Variants in PTK2 observed in about 807,000 individuals in gnomAD.
PTK2 encodes the protein protein tyrosine kinase 2, also known as focal adhesion kinase 1.
PTK2 carries 45 observed loss-of-function variants against 150.1 expected under a neutral mutation model. The ratio of observed to expected loss-of-function variants is 0.30; its 90% CI spans 0.24 to 0.38. The LOEUF is 0.38. PTK2 is among the 10% of genes least tolerant of loss of function. PTK2 has a pLI of 1.00. For missense variants in PTK2, 919 were observed against 1,307.3 expected, an observed-to-expected ratio of 0.70 and a Z score of 4.58; for synonymous variants, 432 against 449.2, an observed-to-expected ratio of 0.96 and a Z score of 0.48.
chr8:140,690,045 C>T (rs1472448051), intron 26 of PTK2, among the ~76,000 whole-genome samples: 1 of 152,176 alleles, frequency 6.6e-6, no homozygotes, highest in Admixed American at 6.5e-5. Context: ...CTCTGCCTCC[C>T]GGGTTCATGC....
intron 1 of PTK2, among the ~76,000 whole-genome samples, chr8:140,973,216 G>GC (rs1217075896): frequency 6.6e-6 from 1 of 152,176 alleles, no homozygotes; most frequent in Non-Finnish European, 1.5e-5. Flanking sequence ...TTGGCCCTTT[G>GC]CCCAGATCCT....
rs1365981184 is a variant in PTK2 at position 140,812,083 on chromosome 8, A to G, written c.867+6194T>C. Among the ~76,000 whole-genome samples, 3 of 152,208 alleles carry G rather than the reference A, an allele frequency of 2.0e-5. No homozygotes were observed. The East Asian group carries it at 5.8e-4, about 29-fold the overall frequency. ...GCAGAGTAAGATACTACACGAGAAG[A>G]TCATTCCCAAGACACATCATCATGA... is the stretch of plus-strand genomic sequence containing the variant. On this transcript the variant is annotated intron_variant, in intron 10 of 31. Coordinates refer to ENST00000522684, the Ensembl canonical transcript of PTK2.
intron 14 of PTK2, among the ~76,000 whole-genome samples, chr8:140,768,697 A>T (rs2100073827): frequency 1.3e-5 from 2 of 152,220 alleles, no homozygotes; most frequent in African/African-American, 4.8e-5. Flanking sequence ...AAGTCAGTAA[A>T]GTGTCACATG....
chr8:140,676,149 G>A (rs539706895), intron 27 of PTK2, among the ~76,000 whole-genome samples: 3 of 152,270 alleles, frequency 2.0e-5, no homozygotes, highest in Admixed American at 2.0e-4. Flanking sequence ...GGTCAAAATG[G>A]GCGATAACCT....
chr8:140,991,223 C>T (rs1441328497), intron 1 of PTK2, among the ~76,000 whole-genome samples: 1 of 152,142 alleles, frequency 6.6e-6, no homozygotes, highest in Non-Finnish European at 1.5e-5. Flanking sequence ...CACAATACAG[C>T]TTCATTAGTT....
intron 14 of PTK2, among the ~76,000 whole-genome samples, chr8:140,783,757 A>C (rs565837684): frequency 6.6e-6 from 1 of 152,346 alleles, no homozygotes; most frequent in African/African-American, 2.4e-5. Flanking sequence ...AACCTGAAAA[A>C]CCTAAAAGTA....
intron 31 of PTK2, among the ~76,000 whole-genome samples, chr8:140,660,330 T>TC (rs1426645284): frequency 1.3e-5 from 2 of 152,186 alleles, no homozygotes; most frequent in African/African-American, 4.8e-5. Context: ...CTCTTTAGTC[T>TC]CCAAGCCAGG....
intron 1 of PTK2, among the ~76,000 whole-genome samples, chr8:140,936,267 G>T (rs1238268383): frequency 6.6e-6 from 1 of 152,184 alleles, no homozygotes; most frequent in African/African-American, 2.4e-5. Context: ...AATGAACACT[G>T]TAAATTTTAC....
intron 1 of PTK2, among the ~76,000 whole-genome samples, chr8:140,987,658 T>C (rs1239038591): frequency 2.6e-5 from 4 of 152,180 alleles, no homozygotes; most frequent in Admixed American, 2.0e-4. Context: ...ATAACGAGTG[T>C]TGCCCTAATG....
chr8:140,752,071 T>C (rs2100063046), intron 17 of PTK2, 161 bp downstream of exon 20: 5 of 706,392 alleles, frequency 7.1e-6, no homozygotes, highest in East Asian at 2.6e-5. Flanking sequence ...AATCTGTAGA[T>C]AGGTGCTTGT....
chr8:140,672,198 T>A, intron 29 of PTK2: 1 of 447,278 alleles, frequency 2.2e-6, no homozygotes, highest in South Asian at 1.6e-5. Flanking sequence ...TTCTGTCCCC[T>A]TTTCTTTTTT....
At chr8:140,974,560 A>G (rs543932010) in intron 1 of PTK2, among the ~76,000 whole-genome samples, 1 of 152,334 alleles carries the variant, frequency 6.6e-6, no homozygotes, top group East Asian at 1.9e-4. Context: ...CTTAGAAAAC[A>G]GTTGCATGTG....
At chr8:140,734,479 C>G (rs762380298) in intron 22 of PTK2, among the ~76,000 whole-genome samples, 4 of 152,290 alleles carry the variant, frequency 2.6e-5, no homozygotes, top group Admixed American at 6.5e-5. Flanking sequence ...TGATGCCCGT[C>G]AAGAGCTCTG....
intron 1 of PTK2, among the ~76,000 whole-genome samples, chr8:140,989,973 G>A (rs2100195070): frequency 1.3e-5 from 2 of 151,916 alleles, no homozygotes; most frequent in South Asian, 2.1e-4. Context: ...ACCACAAGGC[G>A]GTACACTATA....
At chr8:140,686,844 G>A in intron 26 of PTK2, 150 bp from the exon 30 acceptor site, 1 of 685,718 alleles carries the variant, frequency 1.5e-6, no homozygotes, top group Non-Finnish European at 2.5e-6. Flanking sequence ...TTCCAGTGAT[G>A]ATAAATGAAG....
chr8:140,931,179 T>C (rs2100171619), intron 1 of PTK2, among the ~76,000 whole-genome samples: 1 of 152,178 alleles, frequency 6.6e-6, no homozygotes, highest in Admixed American at 6.5e-5. Flanking sequence ...TTCACCCTAT[T>C]TTCTTTCCAT....
chr8:140,806,293 T>C (rs945039325), intron 10 of PTK2, among the ~76,000 whole-genome samples: 5 of 152,204 alleles, frequency 3.3e-5, no homozygotes, highest in Non-Finnish European at 5.9e-5. Context: ...TTCCTCACCA[T>C]TTTGGAGAAT....
intron 10 of PTK2, among the ~76,000 whole-genome samples, chr8:140,817,266 G>C (rs1305711279): frequency 6.6e-6 from 1 of 152,166 alleles, no homozygotes; most frequent in Admixed American, 6.5e-5. Flanking sequence ...GGGGGTTACA[G>C]AGAAGGCTGA....
At chr8:140,714,849 A>G (rs1472081692) in intron 23 of PTK2, among the ~76,000 whole-genome samples, 1 of 147,104 alleles carries the variant, frequency 6.8e-6, no homozygotes, top group Non-Finnish European at 1.5e-5. Context: ...TTATTCTAAT[A>G]TATCACAAGC....
Sources: allele counts gnomAD v4.1 joint callset (sites outside exome capture counted in the v4.1 genomes callset), GRCh38; gene constraint gnomAD v4.1.1; transcripts MANE v1.5; gene names NCBI Gene and HGNC (gene_info 2026-07-23, HGNC 2026-07-21).